The following CAST variants were observed in gnomAD, a reference collection of about 807,000 sequenced individuals.
CAST encodes MIR583 host.
Under a neutral mutation model 119.6 loss-of-function variants are expected in CAST, and 76 were observed. That is an observed-to-expected ratio of 0.64 (90% CI 0.53 to 0.77). The LOEUF (loss-of-function observed/expected upper bound fraction) is 0.77, where lower values mean the gene tolerates loss of function less well. Ranked by LOEUF, CAST falls within the 30% of genes least tolerant of loss-of-function variation. The probability of loss-of-function intolerance (pLI) is 0.00; values close to 1 mark genes in which losing one functional copy is unlikely to be tolerated. For missense variants in CAST, 953 were observed against 946.5 expected (o/e 1.01, Z -0.09); for synonymous variants, 319 against 331.6 (o/e 0.96, Z 0.41).
At chr5:96,081,210 C>T in the CAST span, among the ~76,000 whole-genome samples, 1 of 152,176 alleles carries the variant, frequency 6.6e-6, no homozygotes, top group Non-Finnish European at 1.5e-5. Context: ...TTTCCCCTAG[C>T]TCAGCACAGG....
At chr5:96,562,486 A>G (rs778311528) in intron 1 of CAST, among the ~76,000 whole-genome samples, 2 of 152,160 alleles carry the variant, frequency 1.3e-5, no homozygotes, top group Admixed American at 1.3e-4. Flanking sequence ...ATACATTGTG[A>G]TAGTAAGGGT....
chr5:96,377,575 A>G, the CAST span, among the ~76,000 whole-genome samples: 7 of 152,196 alleles, frequency 4.6e-5, no homozygotes, highest in Non-Finnish European at 7.3e-5. Flanking sequence ...GCAACAGGCT[A>G]TAGCGGGTAG....
At chr5:96,202,782 T>C in the CAST span, among the ~76,000 whole-genome samples, 27 of 152,106 alleles carry the variant, frequency 1.8e-4, no homozygotes. Context: ...CTAATGATAG[T>C]GAATCCAGTA....
the CAST span, among the ~76,000 whole-genome samples, chr5:96,263,024 T>C: frequency 1.3e-5 from 2 of 152,228 alleles, no homozygotes; most frequent in Non-Finnish European, 2.9e-5. Flanking sequence ...AGTGAATACA[T>C]TAATCCTCTA....
the CAST span, among the ~76,000 whole-genome samples, chr5:95,968,483 G>C: frequency 6.6e-6 from 1 of 152,068 alleles, no homozygotes; most frequent in Non-Finnish European, 1.5e-5. Context: ...TGTTTTTATT[G>C]CATGTTGTTC....
the CAST span, among the ~76,000 whole-genome samples, chr5:96,463,798 A>G: frequency 6.7e-6 from 1 of 150,278 alleles, no homozygotes; most frequent in South Asian, 2.1e-4. Flanking sequence ...CCATAACTAA[A>G]CTCTCCTTCT....
the CAST span, among the ~76,000 whole-genome samples, chr5:96,197,146 G>C: frequency 6.6e-6 from 1 of 152,160 alleles, no homozygotes; most frequent in Non-Finnish European, 1.5e-5. Context: ...GAACCACCGG[G>C]TTAGGTGATA....
chr5:96,754,047 A>T lies in CAST; in HGVS notation c.1525-13A>T. On this transcript the variant is annotated splice_polypyrimidine_tract_variant and intron_variant, in intron 20 of 31. Transcript: ENST00000675179. ...TAACCACCTACTTAATATATCCACT[A>T]ATGCACTTTCAGAAGGGCACAGTGC... 2 of 1,532,356 alleles carry T rather than the reference A, an allele frequency of 1.3e-6. No individual in the cohort carries two copies. The highest frequency in any genetic ancestry group is 1.8e-6 in the Non-Finnish European group (2 of 1,105,382). The allele number at this position is 1,532,356 out of a possible 1,614,324, so 94.9% of individuals were successfully genotyped here.
chr5:96,761,396 A>C (rs906644057), intron 24 of CAST: 1 of 152,232 alleles, frequency 6.6e-6, no homozygotes, highest in Non-Finnish European at 1.5e-5. Flanking sequence ...AAACGGCTTT[A>C]CAGGGTATAA....
At chr5:96,319,360 A>G in the CAST span, among the ~76,000 whole-genome samples, 1 of 152,304 alleles carries the variant, frequency 6.6e-6, no homozygotes, top group Non-Finnish European at 1.5e-5. Context: ...TATCAGGTAA[A>G]TGCTATTATT....
intron 1 of CAST, among the ~76,000 whole-genome samples, chr5:96,586,309 G>A (rs954804841): frequency 6.6e-6 from 1 of 152,006 alleles, no homozygotes; most frequent in African/African-American, 2.4e-5. Flanking sequence ...TTAAATCTTC[G>A]TTTTGTTTAA....
the CAST span, among the ~76,000 whole-genome samples, chr5:96,460,668 A>G: frequency 2.6e-5 from 4 of 152,148 alleles, no homozygotes; most frequent in Non-Finnish European, 5.9e-5. Flanking sequence ...AACAGAGACA[A>G]TGGAGTGGAA....
the CAST span, among the ~76,000 whole-genome samples, chr5:96,297,276 A>G: frequency 6.6e-6 from 1 of 152,206 alleles, no homozygotes; most frequent in East Asian, 1.9e-4. Context: ...AGGGAAATTC[A>G]AGGAACAACA....
At chr5:96,471,314 A>G in the CAST span, among the ~76,000 whole-genome samples, 4 of 151,958 alleles carry the variant, frequency 2.6e-5, no homozygotes, top group Non-Finnish European at 5.9e-5. Context: ...TTACCATAAT[A>G]CTCCTGGATT....
At chr5:96,084,907 A>C in the CAST span, among the ~76,000 whole-genome samples, 1 of 152,222 alleles carries the variant, frequency 6.6e-6, no homozygotes, top group Non-Finnish European at 1.5e-5. Flanking sequence ...CAGAGAGGAC[A>C]AAAACAACAA....
chr5:96,371,394 T>G, the CAST span, among the ~76,000 whole-genome samples: 22 of 152,350 alleles, frequency 1.4e-4, no homozygotes, highest in Admixed American at 1.4e-3. Context: ...TGAATCGCTG[T>G]CAACTGTTGA....
chr5:95,998,416 A>C, the CAST span, among the ~76,000 whole-genome samples: 1 of 152,046 alleles, frequency 6.6e-6, no homozygotes, highest in Non-Finnish European at 1.5e-5. Flanking sequence ...CCTTGTCTTC[A>C]TCCCACCTTT....
Position 96,767,960 on chromosome 5 carries a change from C to A in CAST, c.2229C>A (p.Ser743Arg), listed in dbSNP as rs752570089. The change falls in exon 29 of 32, where the codon AGC (serine) becomes AGA (arginine). Residue 743 changes from serine (S) to arginine (R), a missense_variant. Ser to Arg is a moderately radical substitution (Grantham distance 110). Coordinates refer to ENST00000675179, the MANE Select transcript of CAST (RefSeq NM_001750.7). ...PIDALSGDLDSCPSTTETSQN... is the reference protein window; with the variant it reads ...PIDALSGDLDRCPSTTETSQN... Reference sequence around the variant, plus strand: ...ATGCTCTCTCAGGAGATCTGGACAGCTGTCCCTCCACTACAGAAACCTCAC... The same window carrying A: ...ATGCTCTCTCAGGAGATCTGGACAGATGTCCCTCCACTACAGAAACCTCAC... The A allele has an allele frequency of 3.7e-6, 6 of 1,613,468 alleles. No individual in the cohort carries two copies. The highest frequency in any genetic ancestry group is 5.1e-6 in the Non-Finnish European group (6 of 1,179,576).
chr5:96,591,484 T>C (rs535207973), intron 1 of CAST, among the ~76,000 whole-genome samples: 1 of 152,302 alleles, frequency 6.6e-6, no homozygotes, highest in East Asian at 1.9e-4. Flanking sequence ...GTAACAGTCA[T>C]GGGGTCTTTT....
Sources: gnomAD v4.1 joint callset for allele counts (sites outside exome capture counted in the v4.1 genomes callset) on GRCh38, gnomAD v4.1.1 for gene constraint, MANE v1.5 for transcripts, NCBI Gene and HGNC (gene_info 2026-07-23, HGNC 2026-07-21) for gene names.